Variants in IRGM observed in about 807,000 individuals in gnomAD.
IRGM encodes the protein immunity-related GTPase family M protein.
For synonymous variants in IRGM, 98 were observed against 80.6 expected (o/e 1.22, Z -1.16); for missense variants, 288 against 219.9 (o/e 1.31, Z -1.96).
intron 3 of IRGM, among the ~76,000 whole-genome samples, chr5:150,899,433 G>A (rs1189541829): frequency 6.6e-6 from 1 of 151,758 alleles, no homozygotes; most frequent in East Asian, 1.9e-4. Context: ...AAAAAGAAAA[G>A]CTACATTTAG....
chr5:150,886,855 A>C lies in IRGM; in HGVS notation c.*140+7209A>C, dbSNP rs115426205. 2.8e-3 allele frequency among the ~76,000 whole-genome samples: 427 copies of C among 151,908 alleles called. 5 individuals are homozygous for C. The highest frequency in any genetic ancestry group is 9.6e-3 in the African/African-American group (399 of 41,460). On this transcript the variant is annotated intron_variant and NMD_transcript_variant, in intron 3 of 3. Transcript: ENST00000520549. ...TTCAATTTTTTCAAGAAAACCAACT[A>C]CTGGATTTATTGACCTTTTGAATGA...
intron 1 of IRGM, among the ~76,000 whole-genome samples, chr5:150,865,858 G>A (rs10051331): frequency 0.034 from 5,104 of 152,088 alleles, 274 homozygotes; most frequent in African/African-American, 0.12. Flanking sequence ...CTGGGTTCCA[G>A]CGATTCTCTT....
rs1473349434 is a variant in IRGM at position 150,856,867 on chromosome 5, AATT to A, written c.158+8218_158+8220del. 4.1e-5 allele frequency among the ~76,000 whole-genome samples: 6 copies of A among 147,492 alleles called. No homozygotes were observed. The South Asian group carries it at 6.3e-4, about 15-fold the overall frequency. ...TTATTTTATTTTATTGTTATTTATTAATTATTAATTAATATTATTAATTAAATA... is the reference window on the plus strand; with the variant it reads ...TTATTTTATTTTATTGTTATTTATTAATTAATTAATATTATTAATTAAATA... On this transcript the variant is annotated intron_variant and NMD_transcript_variant, in intron 1 of 3. Transcript: ENST00000520549.
chr5:150,896,373 C>A (rs1214832341), intron 3 of IRGM: 3 of 1,613,474 alleles, frequency 1.9e-6, no homozygotes, highest in African/African-American at 1.3e-5. Context: ...AGTATGAATT[C>A]TTTGATGTAC....
intron 3 of IRGM, among the ~76,000 whole-genome samples, chr5:150,884,165 T>C (rs1477052427): frequency 1.3e-5 from 2 of 152,140 alleles, no homozygotes; most frequent in East Asian, 3.9e-4. Flanking sequence ...TATCAATAGA[T>C]TCAGAAAAAG....
intron 3 of IRGM, chr5:150,897,054 C>A: frequency 9.0e-7 from 1 of 1,108,896 alleles, no homozygotes; most frequent in Non-Finnish European, 1.3e-6. Context: ...ATGGATGATC[C>A]AACATAGTAG....
intron 1 of IRGM, among the ~76,000 whole-genome samples, chr5:150,876,750 G>A (rs115257073): frequency 0.018 from 2,682 of 152,268 alleles, 79 homozygotes; most frequent in African/African-American, 0.061. Flanking sequence ...AAAAAACCAC[G>A]ACCTGCTGAG....
intron 1 of IRGM, among the ~76,000 whole-genome samples, chr5:150,865,634 C>T (rs1298319270): frequency 6.6e-6 from 1 of 152,198 alleles, no homozygotes; most frequent in African/African-American, 2.4e-5. Context: ...GAAAAATTCA[C>T]CAGGACTGTA....
Position 150,848,347 on chromosome 5 carries a change from G to A in IRGM, c.224G>A (p.Cys75Tyr). The A allele has an allele frequency of 6.4e-7, 1 of 1,551,856 alleles. No homozygotes were observed. Among genetic ancestry groups the A allele is most frequent in the South Asian group, 1.2e-5 (1 of 84,066 alleles). The change falls in exon 2 of 2, where the codon TGT becomes TAT. Residue 75 changes from cysteine to tyrosine, a missense_variant. Cys to Tyr is a radical substitution (Grantham distance 194, BLOSUM62 -2). Coordinates refer to ENST00000522154, the MANE Select transcript of IRGM (RefSeq NM_001145805.2). Reference protein sequence around the residue: ...PTELVKATQRCASYFSSHFSN... With the variant: ...PTELVKATQRYASYFSSHFSN... ...GAGCTGGTAAAAGCTACCCAAAGAT[G>A]TGCCTCCTATTTCTCTTCCCACTTT...
chr5:150,867,405 T>C (rs1442615068), intron 1 of IRGM, among the ~76,000 whole-genome samples: 2 of 152,182 alleles, frequency 1.3e-5, no homozygotes, highest in Non-Finnish European at 2.9e-5. Context: ...GCTGGTTCTA[T>C]ATTTTTGAGA....
chr5:150,896,158 C>G (rs778945218), intron 3 of IRGM: 1 of 1,613,308 alleles, frequency 6.2e-7, no homozygotes, highest in Non-Finnish European at 8.5e-7. Flanking sequence ...TGGGAGAAGG[C>G]TTTCCCGCAT....
chr5:150,859,287 A>G (rs1754102250), intron 1 of IRGM, among the ~76,000 whole-genome samples: 1 of 152,184 alleles, frequency 6.6e-6, no homozygotes, highest in Admixed American at 6.5e-5. Flanking sequence ...CCACTTGATC[A>G]TGGTGGATAA....
At chr5:150,879,010 C>G (rs1754406657) in intron 2 of IRGM, among the ~76,000 whole-genome samples, 1 of 152,098 alleles carries the variant, frequency 6.6e-6, no homozygotes. Context: ...TGCAAAAATA[C>G]ACACTAGGGG....
chr5:150,856,765 G>A (rs1006409844), intron 1 of IRGM, among the ~76,000 whole-genome samples: 4 of 151,106 alleles, frequency 2.6e-5, no homozygotes, highest in African/African-American at 9.7e-5. Context: ...CCACTGCATG[G>A]GGCCTGCTGC....
intron 1 of IRGM, among the ~76,000 whole-genome samples, chr5:150,860,714 TCTGCTG>T (rs1165926752): frequency 3.9e-5 from 6 of 152,162 alleles, no homozygotes; most frequent in Non-Finnish European, 8.8e-5. Context: ...CACTATTGCT[TCTGCTG>T]CTGCCTTGGG....
In IRGM at chr5:150,848,389, G is replaced by T. The variant is rs1275516308; in HGVS notation, c.266G>T (p.Trp89Leu). 6.4e-7 allele frequency: 1 copy of T among 1,551,792 alleles called. No individual in the cohort carries two copies. The highest frequency in any genetic ancestry group is 1.4e-5 in the African/African-American group (1 of 73,140). The change falls in exon 2 of 2, where the codon TGG (tryptophan) becomes TTG (leucine). Residue 89 changes from tryptophan to leucine, a missense_variant. Trp to Leu is a moderately conservative substitution (Grantham distance 61). Transcript: ENST00000522154. ...TCCCACTTTTCAAATGTGGTGTTGT[G>T]GGACCTGCCTGGCACAGGGTCTGCC... ...FSSHFSNVVL[W>L]DLPGTGSATT...
At chr5:150,901,993 T>C (rs1755010108), downstream of IRGM, among the ~76,000 whole-genome samples, 1 of 152,156 alleles carries the variant, frequency 6.6e-6, no homozygotes, top group Admixed American at 6.5e-5. Context: ...TCTCACACAT[T>C]TGTACTTCTA....
At chr5:150,872,325 C>T (rs1754297118) in intron 1 of IRGM, among the ~76,000 whole-genome samples, 1 of 152,194 alleles carries the variant, frequency 6.6e-6, no homozygotes, top group South Asian at 2.1e-4. Flanking sequence ...ACGCTGCCAT[C>T]AGCTTTTCCA....
intron 3 of IRGM, among the ~76,000 whole-genome samples, chr5:150,894,180 T>C (rs1165826057): frequency 1.3e-5 from 2 of 152,098 alleles, no homozygotes; most frequent in Non-Finnish European, 2.9e-5. Context: ...AAGTATGCTC[T>C]CCTGCAGGTC....
Sources: gnomAD v4.1 joint callset for allele counts (sites outside exome capture counted in the v4.1 genomes callset) on GRCh38, gnomAD v4.1.1 for gene constraint, MANE v1.5 for transcripts, NCBI Gene and HGNC (gene_info 2026-07-23, HGNC 2026-07-21) for gene names.